The following TRIP4 variants were observed in gnomAD, a reference collection of about 807,000 sequenced individuals.
TRIP4 encodes thyroid hormone receptor interactor 4, also known as activating signal cointegrator 1.
A neutral mutation model predicts 81.8 loss-of-function variants in TRIP4; 54 were observed. That is an observed-to-expected ratio of 0.66 (90% CI 0.53 to 0.83). The LOEUF is 0.83. Among genes scored for constraint, TRIP4 ranks in the 40% least tolerant of loss-of-function variants. TRIP4 has a pLI of 0.00. For missense variants in TRIP4, 662 were observed against 683.6 expected (o/e 0.97, Z 0.35); for synonymous variants, 270 against 242.8 (o/e 1.11, Z -1.04).
At chr15:64,404,277 GT>G (rs1891575947) in intron 5 of TRIP4, among the ~76,000 whole-genome samples, 1 of 151,418 alleles carries the variant, frequency 6.6e-6, no homozygotes, top group South Asian at 2.1e-4. Context: ...TTTCAAATTT[GT>G]TTTAGTTGTA....
At chr15:64,445,824 C>T (rs541969832) in intron 12 of TRIP4, among the ~76,000 whole-genome samples, 4 of 152,218 alleles carry the variant, frequency 2.6e-5, no homozygotes, top group East Asian at 1.9e-4. Context: ...CATAGTAAGT[C>T]GCTCTAAACT....
rs58017283 is a variant in TRIP4, at chr15:64,398,951, T to C, written c.618+1133T>C. 3.0e-4 allele frequency among the ~76,000 whole-genome samples: 4 copies of C among 13,544 alleles called. No individual in the cohort carries two copies. The Non-Finnish European group carries it at 4.7e-3, about 16-fold the overall frequency. The allele number at this position is 13,544 out of a possible 152,430, so 8.9% of individuals were successfully genotyped here. ...TTTTTCTTTTTTCCTTTTTTTTTTTTTTTTTTTTTTTTTTTTGAGACGGAG... is the reference window on the plus strand; with the variant it reads ...TTTTTCTTTTTTCCTTTTTTTTTTTCTTTTTTTTTTTTTTTTGAGACGGAG... On this transcript the variant is annotated intron_variant, in intron 4 of 12. Transcript: ENST00000261884.
chr15:64,431,849 T>TATATATATATATATATATATATA (rs1566981702), intron 11 of TRIP4, among the ~76,000 whole-genome samples: 2 of 81,440 alleles, frequency 2.5e-5, no homozygotes, highest in African/African-American at 8.1e-5. Context: ...ATATATATAT[T>TATATATATATATATATATATATA]TTTTTTATCC....
At position 64,419,960 on chromosome 15, in the gene TRIP4, C is replaced by T. The variant is rs145431657; in HGVS notation, c.1358+1232C>T. ...CCTCCCGAGTAGCTGGGATCACAGG[C>T]GCCCGCCACCACACCTGGTTAATTT... On this transcript the variant is annotated intron_variant, in intron 9 of 12. Coordinates refer to ENST00000261884, the MANE Select transcript of TRIP4 (RefSeq NM_016213.5). Among the ~76,000 whole-genome samples the T allele has an allele frequency of 3.6e-3, 545 of 151,684 alleles. 1 individual carries two copies. Among genetic ancestry groups the T allele is most frequent in the African/African-American group, 0.011 (468 of 41,354 alleles).
intron 1 of TRIP4, 131 bp from the exon 2 acceptor site, chr15:64,393,815 A>G: frequency 1.3e-6 from 1 of 766,284 alleles, no homozygotes. Context: ...AGCACCTAGC[A>G]TAGTACTTGG....
intron 11 of TRIP4, among the ~76,000 whole-genome samples, chr15:64,438,366 C>T (rs981555024): frequency 6.6e-6 from 1 of 152,220 alleles, no homozygotes; most frequent in Non-Finnish European, 1.5e-5. Context: ...GTTGCCTAGG[C>T]TGGAGTGCAA....
At chr15:64,452,932 G>A (rs1414033117) in intron 12 of TRIP4, among the ~76,000 whole-genome samples, 2 of 152,120 alleles carry the variant, frequency 1.3e-5, no homozygotes, top group African/African-American at 4.8e-5. Context: ...TGTAATCCCA[G>A]CACTTTGGGA....
chr15:64,432,163 GCATGAGCCAC>G (rs961891105), intron 11 of TRIP4, among the ~76,000 whole-genome samples: 3 of 151,594 alleles, frequency 2.0e-5, no homozygotes, highest in Non-Finnish European at 2.9e-5. Context: ...GGGATTACAG[GCATGAGCCAC>G]CATGCCTGGC....
chr15:64,413,894 A>G (rs918320932), intron 7 of TRIP4, among the ~76,000 whole-genome samples, 191 bp from the exon 8 acceptor site: 2 of 152,186 alleles, frequency 1.3e-5, no homozygotes, highest in African/African-American at 4.8e-5. Flanking sequence ...CCATTCTGCA[A>G]TATTCATTAA....
chr15:64,403,553 TTG>T (rs1173521099), intron 5 of TRIP4, among the ~76,000 whole-genome samples: 2 of 152,234 alleles, frequency 1.3e-5, no homozygotes, highest in African/African-American at 4.8e-5. Flanking sequence ...ATAGTAGTTT[TTG>T]TTTTATATCG....
chr15:64,407,862 C>A (rs1358689858), intron 6 of TRIP4, among the ~76,000 whole-genome samples: 2 of 151,896 alleles, frequency 1.3e-5, no homozygotes, highest in Non-Finnish European at 2.9e-5. Context: ...TTTGGGAGGC[C>A]AAGGCAGACG....
intron 1 of TRIP4, among the ~76,000 whole-genome samples, chr15:64,389,367 C>G (rs1194313723): frequency 7.9e-5 from 12 of 152,070 alleles, no homozygotes; most frequent in Non-Finnish European, 1.8e-4. Context: ...GGAGATGGCT[C>G]AAGCCCTTAT....
At chr15:64,448,595 C>T (rs1892685309) in intron 12 of TRIP4, among the ~76,000 whole-genome samples, 2 of 152,136 alleles carry the variant, frequency 1.3e-5, no homozygotes. Context: ...TCCTAAGTAG[C>T]TGGGACCACA....
chr15:64,420,079 G>A (rs1156613923), intron 9 of TRIP4, among the ~76,000 whole-genome samples: 2 of 151,616 alleles, frequency 1.3e-5, no homozygotes, highest in Non-Finnish European at 2.9e-5. Context: ...CTCCCAAACT[G>A]CTGGGATTAT....
chr15:64,401,357 G>T (rs958864322), intron 5 of TRIP4, among the ~76,000 whole-genome samples: 4 of 152,070 alleles, frequency 2.6e-5, no homozygotes, highest in African/African-American at 9.7e-5. Context: ...GGATGGTCTT[G>T]ATCTCCTGAC....
intron 11 of TRIP4, among the ~76,000 whole-genome samples, chr15:64,430,335 A>G (rs1459765128): frequency 6.6e-6 from 1 of 152,244 alleles, no homozygotes; most frequent in East Asian, 1.9e-4. Context: ...GATGAGAGCC[A>G]TCTCGTTAAA....
intron 6 of TRIP4, among the ~76,000 whole-genome samples, chr15:64,407,299 A>C (rs529187817): frequency 6.6e-6 from 1 of 152,200 alleles, no homozygotes; most frequent in Non-Finnish European, 1.5e-5. Context: ...ACCCATCACA[A>C]GGTGTATAAC....
At chr15:64,424,411 T>C in intron 10 of TRIP4, 1 of 410,510 alleles carries the variant, frequency 2.4e-6, no homozygotes, top group Non-Finnish European at 4.4e-6. Flanking sequence ...GAAAATCATC[T>C]TCTTTACTCT....
At position 64,400,747 on chromosome 15, in the gene TRIP4, G is replaced by A. The variant is rs1566973271; in HGVS notation, c.623G>A (p.Cys208Tyr). ...GPCLFCGTLVCTHEEQDILQR... is the reference protein window; with the variant it reads ...GPCLFCGTLVYTHEEQDILQR... ...CTTACTCTTACTATTTTACAGGTGT[G>A]TACTCATGAGGAACAAGATATTTTA... Residue 208 changes from cysteine (C) to tyrosine (Y), a missense_variant, in exon 5 of 13, where the codon TGT becomes TAT. Transcript: ENST00000261884. 1 of 1,613,468 alleles carries A rather than the reference G, an allele frequency of 6.2e-7. No individual in the cohort carries two copies.
Sources: gnomAD v4.1 joint callset for allele counts (sites outside exome capture counted in the v4.1 genomes callset) on GRCh38, gnomAD v4.1.1 for gene constraint, MANE v1.5 for transcripts, NCBI Gene and HGNC (gene_info 2026-07-23, HGNC 2026-07-21) for gene names.